Variants in NRF1 observed in about 807,000 individuals in gnomAD.
NRF1 encodes nuclear respiratory factor 1.
A neutral mutation model predicts 58.5 loss-of-function variants in NRF1; 5 were observed. The observed-to-expected ratio is 0.09, with a 90% CI of 0.04 to 0.18. The LOEUF is 0.18. NRF1 is among the 10% of genes least tolerant of loss of function. The pLI is 1.00. For synonymous variants in NRF1, 224 were observed against 246.7 expected, an observed-to-expected ratio of 0.91 and a Z score of 0.86; for missense variants, 288 against 657.7, an observed-to-expected ratio of 0.44 and a Z score of 6.15.
intron 10 of NRF1, among the ~76,000 whole-genome samples, chr7:129,740,306 G>A (rs1172975483): frequency 6.6e-6 from 1 of 152,174 alleles, no homozygotes; most frequent in Non-Finnish European, 1.5e-5. Flanking sequence ...TGCTACAACT[G>A]CTGTTATGAT....
intron 1 of NRF1, among the ~76,000 whole-genome samples, chr7:129,644,175 TATTA>T (rs1801355584): frequency 6.6e-6 from 1 of 152,232 alleles, no homozygotes; most frequent in Admixed American, 6.5e-5. Context: ...TACTTAACTG[TATTA>T]ATTCAGTCTT....
intron 3 of NRF1, among the ~76,000 whole-genome samples, chr7:129,675,355 A>G (rs1802151673): frequency 6.6e-6 from 1 of 152,172 alleles, no homozygotes. Flanking sequence ...TGATAGTTTG[A>G]CCTCCTCCCA....
intron 1 of NRF1, among the ~76,000 whole-genome samples, chr7:129,623,934 G>T (rs1221704964): frequency 3.3e-5 from 5 of 152,176 alleles, no homozygotes; most frequent in South Asian, 2.1e-4. Context: ...AGAATAAAAA[G>T]TGCAAACTTT....
intron 1 of NRF1, among the ~76,000 whole-genome samples, chr7:129,632,614 T>C (rs1486766895): frequency 2.0e-5 from 3 of 152,112 alleles, no homozygotes; most frequent in Non-Finnish European, 4.4e-5. Flanking sequence ...ACAAACTTTT[T>C]CTGTATATAT....
At chr7:129,636,333 C>G (rs1413270300) in intron 1 of NRF1, among the ~76,000 whole-genome samples, 1 of 151,942 alleles carries the variant, frequency 6.6e-6, no homozygotes, top group Admixed American at 6.6e-5. Flanking sequence ...CTCCTGGGTT[C>G]AAGCGATTCT....
chr7:129,718,888 G>C (rs1233513288), intron 9 of NRF1, among the ~76,000 whole-genome samples: 2 of 152,110 alleles, frequency 1.3e-5, no homozygotes, highest in Non-Finnish European at 2.9e-5. Flanking sequence ...GTTATAATGA[G>C]GATAAGACTC....
At chr7:129,713,857 G>A (rs1177470499) in intron 8 of NRF1, among the ~76,000 whole-genome samples, 2 of 152,240 alleles carry the variant, frequency 1.3e-5, no homozygotes, top group Admixed American at 6.5e-5. Context: ...AAACAAAGGA[G>A]AGGGATGGGA....
At position 129,634,037 on chromosome 7, in the gene NRF1, A is replaced by AT. The variant is rs1256272432; in HGVS notation, c.-7+22213_-7+22214insT. ...TTTTTTACATCTGTATTTAAAAAAA[A>AT]AAAAAGATATATATATATATATATA... On this transcript the variant is annotated intron_variant, in intron 1 of 10. Coordinates refer to ENST00000393232, the MANE Select transcript of NRF1 (RefSeq NM_005011.5). 9.3e-3 allele frequency among the ~76,000 whole-genome samples: 699 copies of AT among 75,020 alleles called. 4 individuals carry two copies. The highest frequency in any genetic ancestry group is 0.034 in the East Asian group (68 of 1,972). The allele number at this position is 75,020 out of a possible 152,430, so 49.2% of individuals were successfully genotyped here.
chr7:129,685,977 C>A (rs1334545000), intron 4 of NRF1, among the ~76,000 whole-genome samples: 1 of 151,328 alleles, frequency 6.6e-6, no homozygotes, highest in Non-Finnish European at 1.5e-5. Context: ...TGGCAGGCAC[C>A]TGTAATCCTG....
chr7:129,618,953 C>CA (rs1176865931), intron 1 of NRF1, among the ~76,000 whole-genome samples: 1 of 152,076 alleles, frequency 6.6e-6, no homozygotes, highest in African/African-American at 2.4e-5. Flanking sequence ...TGCAACATGT[C>CA]ACCTGAGGTC....
chr7:129,729,824 G>C (rs1803537287), intron 10 of NRF1, among the ~76,000 whole-genome samples: 1 of 152,044 alleles, frequency 6.6e-6, no homozygotes, highest in Non-Finnish European at 1.5e-5. Context: ...GCCAGAGTTT[G>C]TTGCTTCTTT....
At chr7:129,735,255 G>T in intron 10 of NRF1, 1 of 985,408 alleles carries the variant, frequency 1.0e-6, no homozygotes, top group Non-Finnish European at 1.2e-6. Flanking sequence ...AAAGCTGCTG[G>T]GTGCGGTGGC....
chr7:129,648,920 T>G (rs1801473678), intron 1 of NRF1, among the ~76,000 whole-genome samples: 1 of 151,572 alleles, frequency 6.6e-6, no homozygotes, highest in Non-Finnish European at 1.5e-5. Context: ...TAGCTTCATT[T>G]TTTTTTTTTT....
chr7:129,659,490 A>G (rs192243319), intron 2 of NRF1, among the ~76,000 whole-genome samples: 152 of 152,256 alleles, frequency 1.0e-3, no homozygotes, highest in Non-Finnish European at 2.0e-3. Flanking sequence ...TTGCTTTAAC[A>G]TGGATCTGCT....
intron 2 of NRF1, among the ~76,000 whole-genome samples, chr7:129,658,974 C>T (rs1342348562): frequency 6.6e-6 from 1 of 150,392 alleles, no homozygotes; most frequent in African/African-American, 2.5e-5. Context: ...GAAACTACTA[C>T]ACCATTTTAT....
chr7:129,721,312 G>A lies in NRF1; in HGVS notation c.1223+3936G>A, dbSNP rs1411554561. On this transcript the variant is annotated intron_variant, in intron 9 of 10. Coordinates refer to ENST00000393232, the MANE Select transcript of NRF1 (RefSeq NM_005011.5). ...TACTTGATAGTATATTGTTAACACT[G>A]AGACAGTATTTATTGTGTGTCTACT... 2.0e-5 allele frequency among the ~76,000 whole-genome samples: 3 copies of A among 152,104 alleles called. No homozygotes were observed. In the South Asian group the frequency reaches 6.2e-4, roughly 32 times the overall value.
intron 4 of NRF1, among the ~76,000 whole-genome samples, chr7:129,689,851 C>T (rs1475680845): frequency 6.6e-6 from 1 of 152,244 alleles, no homozygotes; most frequent in Non-Finnish European, 1.5e-5. Context: ...TCAGCTACAA[C>T]ATACACCTAT....
chr7:129,707,147 C>A (rs1255415016), intron 5 of NRF1, among the ~76,000 whole-genome samples: 1 of 152,084 alleles, frequency 6.6e-6, no homozygotes, highest in African/African-American at 2.4e-5. Context: ...GCACGTGCCA[C>A]TGTAACCGAC....
intron 10 of NRF1, among the ~76,000 whole-genome samples, chr7:129,744,978 C>T (rs1803938983): frequency 6.6e-6 from 1 of 150,952 alleles, no homozygotes; most frequent in South Asian, 2.1e-4. Flanking sequence ...GCCTATTTGA[C>T]ATTTTCCATC....
Sources: gnomAD v4.1 joint callset for allele counts (sites outside exome capture counted in the v4.1 genomes callset) on GRCh38, gnomAD v4.1.1 for gene constraint, MANE v1.5 for transcripts, NCBI Gene and HGNC (gene_info 2026-07-23, HGNC 2026-07-21) for gene names.